The following PDE1C variants were observed in gnomAD, a reference collection of about 807,000 sequenced individuals.
The protein encoded by PDE1C is dual specificity calcium/calmodulin-dependent 3',5'-cyclic nucleotide phosphodiesterase 1C.
PDE1C carries 62 observed loss-of-function variants against 93.1 expected under a neutral mutation model. The observed-to-expected ratio is 0.67, with a 90% CI of 0.54 to 0.82. PDE1C has a LOEUF of 0.82. Among genes scored for constraint, PDE1C ranks in the 40% least tolerant of loss-of-function variants. The pLI is 0.00. For synonymous variants in PDE1C, 325 were observed against 310.1 expected (o/e 1.05, Z -0.50); for missense variants, 742 against 884.6 (o/e 0.84, Z 2.04).
chr7:31,915,142 T>C (rs1490594831), intron 2 of PDE1C, among the ~76,000 whole-genome samples: 2 of 152,212 alleles, frequency 1.3e-5, no homozygotes, highest in African/African-American at 4.8e-5. Context: ...ACTTTAAGTA[T>C]CTAATCGCAA....
downstream of PDE1C, among the ~76,000 whole-genome samples, chr7:31,749,732 C>T (rs1247269109): frequency 8.3e-6 from 1 of 120,104 alleles, no homozygotes; most frequent in Admixed American, 1.1e-4. Flanking sequence ...TCGCTGTTGT[C>T]TAATTTTTTT....
intron 1 of PDE1C, chr7:32,298,550 G>A: frequency 7.4e-7 from 1 of 1,354,892 alleles, no homozygotes; most frequent in Non-Finnish European, 1.0e-6. Flanking sequence ...GCCCCAGCCC[G>A]ACCCCTGAGC....
At chr7:32,147,283 AGAAAGAAAGAAAGAAAGAAAG>A (rs1800929528) in intron 3 of PDE1C, among the ~76,000 whole-genome samples, 1 of 94,132 alleles carries the variant, frequency 1.1e-5, no homozygotes, top group African/African-American at 4.8e-5. Flanking sequence ...AAAGAAAGAA[AGAAAGAAAGAAAGAAAGAAAG>A]AAAGAAAGAA....
At chr7:31,878,644 C>G (rs1179493927) in intron 4 of PDE1C, among the ~76,000 whole-genome samples, 2 of 152,104 alleles carry the variant, frequency 1.3e-5, no homozygotes, top group Non-Finnish European at 2.9e-5. Context: ...CTTCCCTGGG[C>G]CAGCAACCTC....
intron 2 of PDE1C, among the ~76,000 whole-genome samples, chr7:31,882,429 C>A (rs1204324492): frequency 6.6e-6 from 1 of 152,100 alleles, no homozygotes; most frequent in Admixed American, 6.6e-5. Context: ...GCAGGGAGCT[C>A]TGACTGCTGC....
At chr7:32,240,901 A>T (rs1258172487) in intron 1 of PDE1C, among the ~76,000 whole-genome samples, 1 of 152,202 alleles carries the variant, frequency 6.6e-6, no homozygotes, top group Non-Finnish European at 1.5e-5. Context: ...AGGTGGTGAG[A>T]CATGATCCAC....
chr7:31,824,808 G>T (rs947948032), intron 13 of PDE1C, 59 bp downstream of exon 13: 8 of 1,586,060 alleles, frequency 5.0e-6, no homozygotes, highest in Non-Finnish European at 6.9e-6. Flanking sequence ...AGCAAAAGAA[G>T]AATTCTATCC....
At chr7:31,844,424 T>C (rs1267792082) in intron 9 of PDE1C, among the ~76,000 whole-genome samples, 1 of 151,812 alleles carries the variant, frequency 6.6e-6, no homozygotes, top group African/African-American at 2.4e-5. Context: ...GTTCACAGGA[T>C]GTAGCATCCT....
At chr7:31,897,797 T>C (rs548828481) in intron 2 of PDE1C, among the ~76,000 whole-genome samples, 3 of 152,340 alleles carry the variant, frequency 2.0e-5, no homozygotes, top group Admixed American at 6.5e-5. Context: ...TTAATTCTTC[T>C]ATATTCACAT....
intron 2 of PDE1C, among the ~76,000 whole-genome samples, chr7:32,006,082 T>C (rs184732854): frequency 2.6e-4 from 40 of 152,352 alleles, no homozygotes; most frequent in African/African-American, 9.1e-4. Flanking sequence ...TGTTCCTTTC[T>C]TGGTTCCATT....
intron 1 of PDE1C, among the ~76,000 whole-genome samples, chr7:32,244,884 C>G (rs1452242347): frequency 6.6e-6 from 1 of 152,232 alleles, no homozygotes; most frequent in Non-Finnish European, 1.5e-5. Flanking sequence ...CAGCTGCCCA[C>G]TAAACAGTTG....
chr7:32,345,468 AG>A (rs1169782796), intron 1 of PDE1C, among the ~76,000 whole-genome samples: 2 of 152,244 alleles, frequency 1.3e-5, no homozygotes, highest in Non-Finnish European at 2.9e-5. Context: ...TGACACCAAA[AG>A]CATGAACCAT....
intron 1 of PDE1C, among the ~76,000 whole-genome samples, chr7:32,062,183 A>G (rs1287810975): frequency 6.6e-6 from 1 of 152,186 alleles, no homozygotes; most frequent in African/African-American, 2.4e-5. Context: ...CTAATCTAAG[A>G]AAAAAGAACC....
Position 32,115,617 on chromosome 7 carries a change from C to T in PDE1C, c.308+54168G>A, listed in dbSNP as rs1270359687. The stretch of plus-strand genomic sequence containing the variant: ...ACCTGCACATTCTTCACATGTATCC[C>T]GGAACTTAAAGTACAATAAAAAAAG... On this transcript the variant is annotated intron_variant, in intron 3 of 18. Transcript: ENST00000396193. Among the ~76,000 whole-genome samples the T allele has an allele frequency of 2.6e-5, 4 of 151,968 alleles. No individual in the cohort carries two copies. In the South Asian group the frequency reaches 6.2e-4, roughly 24 times the overall value.
chr7:32,057,647 A>C (rs988526063), intron 1 of PDE1C, among the ~76,000 whole-genome samples: 3 of 152,212 alleles, frequency 2.0e-5, no homozygotes, highest in African/African-American at 7.2e-5. Context: ...CAGGGAGATA[A>C]AGAATGAAAC....
chr7:31,953,537 C>G (rs1237995696), intron 2 of PDE1C, among the ~76,000 whole-genome samples: 4 of 152,186 alleles, frequency 2.6e-5, no homozygotes, highest in African/African-American at 9.7e-5. Context: ...TAGGAAGACT[C>G]TGCTTGCTGG....
chr7:31,989,017 A>AAAG (rs1554451758), intron 2 of PDE1C, among the ~76,000 whole-genome samples: 4 of 147,466 alleles, frequency 2.7e-5, no homozygotes, highest in African/African-American at 2.5e-5. Flanking sequence ...AAAAAAAAAA[A>AAAG]AGAGAGAGAG....
At chr7:32,051,002 C>CA (rs142917743) in intron 2 of PDE1C, among the ~76,000 whole-genome samples, 2,903 of 152,292 alleles carry the variant, frequency 0.019, 103 homozygotes, top group African/African-American at 0.066. Context: ...CCAAAGAGTG[C>CA]AAAGCACAGC....
At chr7:32,136,584 G>T (rs1442257785) in intron 3 of PDE1C, among the ~76,000 whole-genome samples, 1 of 152,056 alleles carries the variant, frequency 6.6e-6, no homozygotes, top group African/African-American at 2.4e-5. Flanking sequence ...GAATAAATTG[G>T]TTCCAAATGG....
Sources: gnomAD v4.1 joint callset for allele counts (sites outside exome capture counted in the v4.1 genomes callset) on GRCh38, gnomAD v4.1.1 for gene constraint, MANE v1.5 for transcripts, NCBI Gene and HGNC (gene_info 2026-07-23, HGNC 2026-07-21) for gene names.